SKAP1: variants seen among roughly 807,000 people sequenced by gnomAD.
The protein encoded by SKAP1 is src kinase associated phosphoprotein 1.
Under a neutral mutation model 58.5 loss-of-function variants are expected in SKAP1, and 44 were observed. The observed-to-expected ratio is 0.75, with a 90% CI of 0.59 to 0.97. The LOEUF (loss-of-function observed/expected upper bound fraction) is 0.97. Among genes scored for constraint, SKAP1 ranks in the 50% least tolerant of loss-of-function variants. The pLI is 0.00. For synonymous variants in SKAP1, 127 were observed against 149.7 expected (o/e 0.85, Z 1.11); for missense variants, 390 against 435.2 (o/e 0.90, Z 0.92).
chr17:48,190,137 G>A (rs2064520031), intron 4 of SKAP1, among the ~76,000 whole-genome samples: 1 of 142,798 alleles, frequency 7.0e-6, no homozygotes, highest in Non-Finnish European at 1.5e-5. Context: ...GAGACAGTCT[G>A]TCTCTGTTGC....
intron 4 of SKAP1, among the ~76,000 whole-genome samples, chr17:48,265,034 G>A (rs1273752144): frequency 6.6e-6 from 1 of 152,074 alleles, no homozygotes; most frequent in African/African-American, 2.4e-5. Flanking sequence ...GTGAGTGATG[G>A]GGAAGGCTGC....
chr17:48,441,841 G>A, the SKAP1 span, among the ~76,000 whole-genome samples: 1 of 152,120 alleles, frequency 6.6e-6, no homozygotes, highest in African/African-American at 2.4e-5. Flanking sequence ...TTTATTAAAG[G>A]ACTCAGTTTC....
chr17:48,373,814 T>C (rs1259698419), intron 2 of SKAP1, among the ~76,000 whole-genome samples: 1 of 152,194 alleles, frequency 6.6e-6, no homozygotes, highest in East Asian at 1.9e-4. Context: ...AGAGTTGTAA[T>C]GGCATTATAA....
chr17:48,338,995 A>G (rs2066613076), intron 4 of SKAP1, among the ~76,000 whole-genome samples: 1 of 152,140 alleles, frequency 6.6e-6, no homozygotes, highest in Non-Finnish European at 1.5e-5. Context: ...CAAGTCCTTA[A>G]TTTCTCCCAA....
chr17:48,198,595 T>C (rs2064679235), intron 4 of SKAP1, among the ~76,000 whole-genome samples: 2 of 151,944 alleles, frequency 1.3e-5, no homozygotes, highest in East Asian at 1.9e-4. Flanking sequence ...CTACAGCCTA[T>C]AGTGATGAAA....
chr17:48,297,244 T>A (rs999603326), intron 4 of SKAP1, among the ~76,000 whole-genome samples: 2 of 152,176 alleles, frequency 1.3e-5, no homozygotes, highest in African/African-American at 4.8e-5. Flanking sequence ...TTTAAACTAT[T>A]TATCATGACA....
intron 2 of SKAP1, among the ~76,000 whole-genome samples, chr17:48,369,224 C>T (rs1427259302): frequency 1.3e-5 from 2 of 151,582 alleles, no homozygotes; most frequent in Admixed American, 6.6e-5. Flanking sequence ...GATGCAGTGG[C>T]TCACACCTGT....
intron 10 of SKAP1, among the ~76,000 whole-genome samples, chr17:48,166,713 T>C (rs1235440339): frequency 2.0e-5 from 3 of 152,140 alleles, no homozygotes. Flanking sequence ...AACATGAAGA[T>C]GGATAAAGCC....
chr17:48,213,064 G>A lies in SKAP1; in HGVS notation c.281-23564C>T, dbSNP rs186521595. ...GCAGAATTAAGCTGTACTGTTGGCCGGGCTCAGTGGCTCATGCCTGTAATC... is the reference window on the plus strand; with the variant it reads ...GCAGAATTAAGCTGTACTGTTGGCCAGGCTCAGTGGCTCATGCCTGTAATC... On this transcript the variant is annotated intron_variant, in intron 4 of 12. Transcript: ENST00000336915. Among the ~76,000 whole-genome samples the A allele has an allele frequency of 1.1e-4, 17 of 152,206 alleles. No individual in the cohort carries two copies. The East Asian group carries it at 2.3e-3, about 21-fold the overall frequency.
chr17:48,219,802 T>G (rs2064980424), intron 4 of SKAP1, among the ~76,000 whole-genome samples: 1 of 152,194 alleles, frequency 6.6e-6, no homozygotes, highest in African/African-American at 2.4e-5. Flanking sequence ...TGTCTCCCAG[T>G]CTGCTCTGGC....
chr17:48,248,236 AATT>A lies in SKAP1; in HGVS notation c.281-58739_281-58737del, dbSNP rs1453680932. Among the ~76,000 whole-genome samples the A allele has an allele frequency of 1.2e-4, 18 of 152,306 alleles. 1 individual carries two copies. Among genetic ancestry groups the A allele is most frequent in the African/African-American group, 4.1e-4 (17 of 41,564 alleles). On this transcript the variant is annotated intron_variant, in intron 4 of 12. Coordinates refer to ENST00000336915, the MANE Select transcript of SKAP1 (RefSeq NM_003726.4). ...TACTTTTGCCAATTCTTCACCAAGT[AATT>A]ATTATTTTCTTTGTATACGGTACTG... is the stretch of plus-strand genomic sequence containing the variant.
chr17:48,278,613 G>C (rs559628335), intron 4 of SKAP1, among the ~76,000 whole-genome samples: 61 of 152,282 alleles, frequency 4.0e-4, no homozygotes, highest in African/African-American at 1.4e-3. Flanking sequence ...TAATAGTCCA[G>C]ATGAGAATCT....
chr17:48,288,485 A>G (rs1218189276), intron 4 of SKAP1, among the ~76,000 whole-genome samples: 1 of 152,198 alleles, frequency 6.6e-6, no homozygotes, highest in African/African-American at 2.4e-5. Flanking sequence ...CAGGAGTTCA[A>G]GGCCATCCTG....
chr17:48,175,020 C>A (rs1157789819), intron 9 of SKAP1, among the ~76,000 whole-genome samples: 2 of 152,098 alleles, frequency 1.3e-5, no homozygotes, highest in Non-Finnish European at 2.9e-5. Context: ...TCTGGAGAGT[C>A]GATTTCAATA....
chr17:48,151,276 T>C (rs113564717), intron 11 of SKAP1, among the ~76,000 whole-genome samples: 1 of 152,322 alleles, frequency 6.6e-6, no homozygotes, highest in African/African-American at 2.4e-5. Flanking sequence ...AATACTGCAT[T>C]ATGGTTTGTG....
intron 3 of SKAP1, among the ~76,000 whole-genome samples, chr17:48,358,596 T>C (rs2144378224): frequency 6.6e-6 from 1 of 152,270 alleles, no homozygotes; most frequent in Non-Finnish European, 1.5e-5. Context: ...AATATATACA[T>C]GGTGAGTTTC....
chr17:48,166,443 A>G (rs1011541939), intron 10 of SKAP1, among the ~76,000 whole-genome samples: 2 of 152,158 alleles, frequency 1.3e-5, no homozygotes, highest in Non-Finnish European at 2.9e-5. Flanking sequence ...CTGTGTGACG[A>G]GCAAAGTTTT....
intron 4 of SKAP1, among the ~76,000 whole-genome samples, chr17:48,277,578 T>G (rs2065716112): frequency 6.6e-6 from 1 of 152,172 alleles, no homozygotes; most frequent in Non-Finnish European, 1.5e-5. Context: ...AAATGGAAAT[T>G]TGGGGTTATT....
At chr17:48,243,938 C>T (rs1490039093) in intron 4 of SKAP1, among the ~76,000 whole-genome samples, 1 of 151,874 alleles carries the variant, frequency 6.6e-6, no homozygotes, top group Non-Finnish European at 1.5e-5. Context: ...TTAAATGTCT[C>T]CTCCTCTAAG....
Sources: allele counts gnomAD v4.1 joint callset (sites outside exome capture counted in the v4.1 genomes callset), GRCh38; gene constraint gnomAD v4.1.1; transcripts MANE v1.5; gene names NCBI Gene and HGNC (gene_info 2026-07-23, HGNC 2026-07-21).